The following PKP4 variants were observed in gnomAD, a reference collection of about 807,000 sequenced individuals.
The protein encoded by PKP4 is plakophilin 4.
In PKP4, 90 loss-of-function variants were observed where a neutral mutation model predicts 145.1. That is an observed-to-expected ratio of 0.62 (90% CI 0.52 to 0.74). The LOEUF (loss-of-function observed/expected upper bound fraction) is 0.74, where lower values mean the gene tolerates loss of function less well. Among genes scored for constraint, PKP4 ranks in the 30% least tolerant of loss-of-function variants. The pLI, the probability that PKP4 is intolerant of heterozygous loss-of-function variation, is 0.00. For missense variants in PKP4, 1,340 were observed against 1,482.7 expected, an observed-to-expected ratio of 0.90 and a Z score of 1.58; for synonymous variants, 563 against 577.2, an observed-to-expected ratio of 0.98 and a Z score of 0.35.
rs1183668229 is a variant in PKP4 at position 158,672,812 on chromosome 2, GTCC to G, written c.2925-858_2925-856del. ...AGCTCACCACCTGCTCCCCTCCCTT[GTCC>G]TCCTCCACTTCATGAGAGTTTAATT... On this transcript the variant is annotated intron_variant, in intron 17 of 21. Coordinates refer to ENST00000389759, the MANE Select transcript of PKP4 (RefSeq NM_003628.6). Among the ~76,000 whole-genome samples the G allele has an allele frequency of 2.6e-5, 4 of 151,240 alleles. No homozygotes were observed. The East Asian group carries it at 5.9e-4, about 22-fold the overall frequency.
chr2:158,661,206 A>G (rs979947312), intron 12 of PKP4, 127 bp from the exon 13 acceptor site: 15 of 643,924 alleles, frequency 2.3e-5, no homozygotes, highest in African/African-American at 7.4e-5. Context: ...GCAAGCCCCC[A>G]GTGCCTCCTC....
Position 158,490,144 on chromosome 2 carries a change from G to T in PKP4, c.-6+32926G>T, listed in dbSNP as rs78263075. The stretch of plus-strand genomic sequence containing the variant: ...GTGTGCAAATCATTAACACCAGATG[G>T]CATCTACCTAGGATTTTTTAAAAGG... On this transcript the variant is annotated intron_variant, in intron 1 of 21. Transcript: ENST00000389759. 8.8e-3 allele frequency among the ~76,000 whole-genome samples: 1,342 copies of T among 152,090 alleles called. 20 individuals are homozygous for T. Among genetic ancestry groups the T allele is most frequent in the African/African-American group, 0.03 (1,232 of 41,456 alleles).
At chr2:158,505,659 G>T (rs558620904) in intron 1 of PKP4, among the ~76,000 whole-genome samples, 1 of 152,092 alleles carries the variant, frequency 6.6e-6, no homozygotes, top group Non-Finnish European at 1.5e-5. Context: ...GATAGGAGAA[G>T]TGAGGGTTTT....
intron 9 of PKP4, among the ~76,000 whole-genome samples, chr2:158,640,276 C>G (rs894445321): frequency 6.6e-6 from 1 of 152,212 alleles, no homozygotes; most frequent in Admixed American, 6.5e-5. Flanking sequence ...CTACAGTGCA[C>G]GTGTTTACCT....
intron 1 of PKP4, among the ~76,000 whole-genome samples, chr2:158,532,233 C>T (rs979520356): frequency 2.6e-5 from 4 of 152,180 alleles, no homozygotes; most frequent in Non-Finnish European, 5.9e-5. Context: ...TATTTATAGT[C>T]TCAGATGTCC....
At chr2:158,640,494 A>G in intron 9 of PKP4, 133 bp from the exon 10 acceptor site, 3 of 809,664 alleles carry the variant, frequency 3.7e-6, no homozygotes, top group East Asian at 2.6e-5. Flanking sequence ...TTATTTAGGT[A>G]TGTATTTTTT....
intron 1 of PKP4, among the ~76,000 whole-genome samples, chr2:158,517,356 A>G (rs2042015301): frequency 6.6e-6 from 1 of 152,168 alleles, no homozygotes; most frequent in African/African-American, 2.4e-5. Context: ...CTTCTGCCCC[A>G]CCTAGAATAG....
At chr2:158,551,974 A>G (rs572402858) in intron 2 of PKP4, among the ~76,000 whole-genome samples, 13 of 152,220 alleles carry the variant, frequency 8.5e-5, no homozygotes, top group Non-Finnish European at 1.6e-4. Flanking sequence ...TATTATCCCA[A>G]CGCTTGGAGC....
At chr2:158,497,320 C>T (rs1414669246) in intron 1 of PKP4, among the ~76,000 whole-genome samples, 1 of 99,708 alleles carries the variant, frequency 1.0e-5, no homozygotes, top group Non-Finnish European at 2.9e-5. Flanking sequence ...TTTGTATTTG[C>T]ATTTTGAGTG....
chr2:158,680,306 C>T (rs567915692), intron 21 of PKP4, 123 bp from the exon 22 acceptor site: 1 of 762,624 alleles, frequency 1.3e-6, no homozygotes, highest in South Asian at 1.9e-5. Flanking sequence ...AGCTTTTAAC[C>T]TTAAACTGCA....
At chr2:158,493,623 G>A (rs4664966) in intron 1 of PKP4, among the ~76,000 whole-genome samples, 58,637 of 151,972 alleles carry the variant, frequency 0.39, 12,110 homozygotes, top group East Asian at 0.68. Flanking sequence ...AACTGAAGTC[G>A]GTGACACAGT....
In PKP4 at chr2:158,631,875, C is replaced by T. The variant is rs749421683; in HGVS notation, c.1276C>T (p.Arg426Cys). Residue 426 changes from arginine (R) to cysteine (C), a missense_variant, in exon 8 of 22, where the codon CGC becomes TGC. Transcript: ENST00000389759. ...GAGGACCTATTACAGCCCAGTGTAC[C>T]GCAGCCCAAACCATGGAACTGTGGA... ...EGRTYYSPVY[R>C]SPNHGTVELQ... The T allele has an allele frequency of 4.5e-5, 72 of 1,614,002 alleles. 1 individual carries two copies. The highest frequency in any genetic ancestry group is 1.6e-4 in the Middle Eastern group (1 of 6,068).
intron 1 of PKP4, among the ~76,000 whole-genome samples, chr2:158,518,998 T>C (rs1278801936): frequency 6.6e-6 from 1 of 152,166 alleles, no homozygotes; most frequent in Non-Finnish European, 1.5e-5. Context: ...TTTTAAGTGA[T>C]TTGTTTTCAG....
At chr2:158,639,085 T>C (rs1453855690) in intron 9 of PKP4, among the ~76,000 whole-genome samples, 3 of 152,226 alleles carry the variant, frequency 2.0e-5, no homozygotes, top group Admixed American at 6.5e-5. Flanking sequence ...TCTAATGTTA[T>C]TTTAATAGTG....
At chr2:158,667,761 C>T (rs2057232474) in intron 16 of PKP4, among the ~76,000 whole-genome samples, 1 of 152,178 alleles carries the variant, frequency 6.6e-6, no homozygotes, top group Admixed American at 6.5e-5. Context: ...GAAGTTCCTC[C>T]TCACCCTGTT....
rs2052627942 is a variant in PKP4 at position 158,625,064 on chromosome 2, A to G, written c.790A>G (p.Thr264Ala). 6.2e-7 allele frequency: 1 copy of G among 1,613,954 alleles called. No homozygotes were observed. Among genetic ancestry groups the G allele is most frequent in the Non-Finnish European group, 8.5e-7 (1 of 1,180,018 alleles). Residue 264 changes from threonine (T) to alanine (A), a missense_variant, in exon 7 of 22, where the codon ACC (threonine) becomes GCC (alanine). Physicochemically the swap from Thr to Ala is moderately conservative, Grantham distance 58. Coordinates refer to ENST00000389759, the MANE Select transcript of PKP4 (RefSeq NM_003628.6). The stretch of plus-strand genomic sequence containing the variant: ...TCTGAACCCCAGTGCATATTCCTCC[A>G]CCACATTACCTGCTGCACGGGCAGC... ...RPLNPSAYSS[T>A]TLPAARAASP...
rs189259443 is a variant in PKP4 at position 158,487,807 on chromosome 2, G to C, written c.-6+30589G>C. ...AGAGAGAGAGAGAAGAGAGAGAAGG[G>C]GGAGGGAGGGAGGAAGGAAGGGAGG... On this transcript the variant is annotated intron_variant, in intron 1 of 21. Transcript: ENST00000389759. 3.7e-4 allele frequency among the ~76,000 whole-genome samples: 56 copies of C among 152,014 alleles called. 1 individual carries two copies. In the East Asian group the frequency reaches 8.9e-3, roughly 24 times the overall value.
rs556865038 is a variant in PKP4, at chr2:158,589,478, G to C, written c.245+12095G>C. Among the ~76,000 whole-genome samples, 92 of 152,272 alleles carry C rather than the reference G, an allele frequency of 6.0e-4. 1 individual carries two copies. The South Asian group carries it at 0.018, about 30-fold the overall frequency. ...GTTGGCTGTACCGAGGCATCTGTGA[G>C]AGTCCTCGTCTCCAGCCCCACCTCC... On this transcript the variant is annotated intron_variant, in intron 3 of 21. Coordinates refer to ENST00000389759, the MANE Select transcript of PKP4 (RefSeq NM_003628.6).
At chr2:158,577,812 T>C (rs2047987791) in intron 3 of PKP4, among the ~76,000 whole-genome samples, 2 of 152,230 alleles carry the variant, frequency 1.3e-5, no homozygotes, top group African/African-American at 4.8e-5. Flanking sequence ...TAGAACTCTA[T>C]GAATCTACCA....
Sources: gnomAD v4.1 joint callset for allele counts (sites outside exome capture counted in the v4.1 genomes callset) on GRCh38, gnomAD v4.1.1 for gene constraint, MANE v1.5 for transcripts, NCBI Gene and HGNC (gene_info 2026-07-23, HGNC 2026-07-21) for gene names.